The following CELF2 variants were observed in gnomAD, a reference collection of about 807,000 sequenced individuals.
CELF2 encodes CUG triplet repeat RNA-binding protein 2.
Under a neutral mutation model 62.6 loss-of-function variants are expected in CELF2, and 8 were observed. That is an observed-to-expected ratio of 0.13 (90% CI 0.07 to 0.23). CELF2 has a LOEUF of 0.23. Ranked by LOEUF, CELF2 falls within the 10% of genes least tolerant of loss-of-function variation. The probability of loss-of-function intolerance (pLI) is 1.00; values close to 1 mark genes in which losing one functional copy is unlikely to be tolerated. For missense variants in CELF2, 333 were observed against 671.0 expected (o/e 0.50, Z 5.56); for synonymous variants, 258 against 250.0 (o/e 1.03, Z -0.30).
At chr10:10,713,313 G>A in the CELF2 span, among the ~76,000 whole-genome samples, 1 of 152,138 alleles carries the variant, frequency 6.6e-6, no homozygotes, top group Non-Finnish European at 1.5e-5. Context: ...ATCACTGGAA[G>A]GCATGTCCCT....
the CELF2 span, among the ~76,000 whole-genome samples, chr10:10,706,966 A>C: frequency 6.6e-6 from 1 of 152,222 alleles, no homozygotes; most frequent in Non-Finnish European, 1.5e-5. Context: ...TAATGTTACA[A>C]GCATGAACAT....
At chr10:11,226,062 A>G (rs2066424477) in intron 3 of CELF2, among the ~76,000 whole-genome samples, 1 of 152,128 alleles carries the variant, frequency 6.6e-6, no homozygotes, top group Admixed American at 6.6e-5. Context: ...TGCTCACTGC[A>G]TTGTAGGGTG....
chr10:10,530,422 C>G, the CELF2 span, among the ~76,000 whole-genome samples: 7 of 152,154 alleles, frequency 4.6e-5, no homozygotes, highest in Admixed American at 3.9e-4. Flanking sequence ...AGGACACTCC[C>G]AAGTCTGGGT....
At chr10:10,752,688 C>CAAAAA in the CELF2 span, among the ~76,000 whole-genome samples, 26 of 58,878 alleles carry the variant, frequency 4.4e-4, 1 homozygote, top group African/African-American at 1.5e-3. Flanking sequence ...GACTCCGTCT[C>CAAAAA]AAAAAAAAAA....
At chr10:10,924,833 C>T (rs913317081) in intron 2 of CELF2, among the ~76,000 whole-genome samples, 1 of 144,226 alleles carries the variant, frequency 6.9e-6, no homozygotes, top group African/African-American at 2.5e-5. Flanking sequence ...CATAGGATTA[C>T]TGTCTGAGAG....
intron 1 of CELF2, among the ~76,000 whole-genome samples, chr10:10,841,115 A>T (rs1486739997): frequency 6.6e-6 from 1 of 152,136 alleles, no homozygotes; most frequent in East Asian, 1.9e-4. Context: ...GTTGGTTCCA[A>T]GTCTTTGCTA....
At chr10:11,259,018 T>C (rs1182348916) in intron 5 of CELF2, among the ~76,000 whole-genome samples, 2 of 152,228 alleles carry the variant, frequency 1.3e-5, no homozygotes, top group Non-Finnish European at 2.9e-5. Flanking sequence ...ATCCATATTC[T>C]TAGCAACATG....
At chr10:11,064,643 C>T (rs921670732) in intron 1 of CELF2, among the ~76,000 whole-genome samples, 1 of 152,076 alleles carries the variant, frequency 6.6e-6, no homozygotes, top group Non-Finnish European at 1.5e-5. Context: ...ATGTCTCAAT[C>T]CCCTTTTGCT....
the CELF2 span, among the ~76,000 whole-genome samples, chr10:10,773,145 G>A: frequency 6.6e-6 from 1 of 152,110 alleles, no homozygotes; most frequent in African/African-American, 2.4e-5. Context: ...CACAAATATG[G>A]TGTTGATTTC....
In CELF2 at chr10:11,316,881, G is replaced by A. The variant is rs1715851107; in HGVS notation, c.1096+2623G>A. On this transcript the variant is annotated intron_variant, in intron 10 of 12. Coordinates refer to ENST00000633077, the MANE Select transcript of CELF2 (RefSeq NM_001326342.2). This position sits in a 1 kb window ranked among gnomAD's most constrained non-coding sequence, Gnocchi z 4.4. ...TCCCTGATACATTAATGAGTCAAAG[G>A]GCTAAAAAACAGTACAGCGCCCTAA... The A allele has an allele frequency of 6.6e-6, 1 of 152,058 alleles. No homozygotes were observed. Among genetic ancestry groups the A allele is most frequent in the South Asian group, 2.1e-4 (1 of 4,826 alleles). The allele number at this position is 152,058 out of a possible 1,614,324, so 9.4% of individuals were successfully genotyped here.
At chr10:11,249,380 C>T (rs1365722750) in intron 4 of CELF2, among the ~76,000 whole-genome samples, 179 bp downstream of exon 4, 1 of 152,222 alleles carries the variant, frequency 6.6e-6, no homozygotes, top group Non-Finnish European at 1.5e-5. Context: ...ACTCTCCTCT[C>T]TCCTGTCCTG....
chr10:10,488,632 G>T, the CELF2 span, among the ~76,000 whole-genome samples: 24 of 151,960 alleles, frequency 1.6e-4, no homozygotes, highest in African/African-American at 5.1e-4. Flanking sequence ...TCAAGAAATG[G>T]CAGGTATTAT....
At chr10:11,272,721 C>A (rs1485899598) in intron 7 of CELF2, among the ~76,000 whole-genome samples, 1 of 152,230 alleles carries the variant, frequency 6.6e-6, no homozygotes, top group Non-Finnish European at 1.5e-5. Flanking sequence ...TACTCCCTTT[C>A]AGCTGAAAAG....
At chr10:10,917,078 T>G (rs921409958) in intron 1 of CELF2, among the ~76,000 whole-genome samples, 1 of 152,216 alleles carries the variant, frequency 6.6e-6, no homozygotes, top group African/African-American at 2.4e-5. Flanking sequence ...CACACTTGTA[T>G]TTCATCAATT....
rs1475198634 is a variant in CELF2, at chr10:10,956,146, G to A, written c.89+36147G>A. On this transcript the variant is annotated intron_variant, in intron 2 of 13. Coordinates refer to the CELF2 transcript ENST00000636488. ...ATTTTTATAGCAACATCCTTCTTCTGTTTCTCCTCTAAGTTTGATGGGGAG... is the reference window on the plus strand; with the variant it reads ...ATTTTTATAGCAACATCCTTCTTCTATTTCTCCTCTAAGTTTGATGGGGAG... 5.3e-5 allele frequency among the ~76,000 whole-genome samples: 8 copies of A among 152,218 alleles called. No homozygotes were observed. In the East Asian group the frequency reaches 1.5e-3, roughly 29 times the overall value.
At chr10:11,218,196 G>A (rs921256288) in intron 3 of CELF2, among the ~76,000 whole-genome samples, 1 of 152,130 alleles carries the variant, frequency 6.6e-6, no homozygotes, top group Non-Finnish European at 1.5e-5. Flanking sequence ...TTAATTTCCT[G>A]ATGCTGTTTG....
At chr10:11,164,172 C>T (rs1003082750) in intron 1 of CELF2, among the ~76,000 whole-genome samples, 2 of 152,228 alleles carry the variant, frequency 1.3e-5, no homozygotes, top group African/African-American at 4.8e-5. Flanking sequence ...GAAGCTGGAG[C>T]AAGCGCGCAG....
At chr10:10,919,979 G>A in exon 2 of CELF2, 1 of 1,231,602 alleles carries the variant, frequency 8.1e-7, no homozygotes, top group Non-Finnish European at 1.0e-6. Context: ...CGGCCACAGA[G>A]TTAGCTGGGA....
At chr10:11,275,902 T>G (rs950200801) in intron 8 of CELF2, among the ~76,000 whole-genome samples, 1 of 152,052 alleles carries the variant, frequency 6.6e-6, no homozygotes, top group Non-Finnish European at 1.5e-5. Flanking sequence ...TAACCTGCCG[T>G]GAGGAACGGT....
Sources: gnomAD v4.1 joint callset for allele counts (sites outside exome capture counted in the v4.1 genomes callset) on GRCh38, gnomAD v4.1.1 for gene constraint, Gnocchi (gnomAD v3.1) non-coding constraint, MANE v1.5 for transcripts, NCBI Gene and HGNC (gene_info 2026-07-23, HGNC 2026-07-21) for gene names.